MCTP2: variants seen among roughly 807,000 people sequenced by gnomAD.
MCTP2 encodes the protein multiple C2 and transmembrane domain containing 2, also known as multiple C2 and transmembrane domain-containing protein 2.
In MCTP2, 132 loss-of-function variants were observed where a neutral mutation model predicts 111.6. The observed-to-expected ratio is 1.18, with a 90% CI of 1.03 to 1.37. The LOEUF (loss-of-function observed/expected upper bound fraction) is 1.37. Ranked by LOEUF, MCTP2 falls within the 40% of genes most tolerant of loss-of-function variation. The pLI, the probability that MCTP2 is intolerant of heterozygous loss-of-function variation, is 0.00. For missense variants in MCTP2, 1,183 were observed against 1,067.9 expected, an observed-to-expected ratio of 1.11 and a Z score of -1.50; for synonymous variants, 395 against 387.7, an observed-to-expected ratio of 1.02 and a Z score of -0.22.
At chr15:94,447,869 T>G (rs2084212297) in intron 19 of MCTP2, among the ~76,000 whole-genome samples, 1 of 152,258 alleles carries the variant, frequency 6.6e-6, no homozygotes. Context: ...ATATACAATT[T>G]ATACACAGGG....
intron 1 of MCTP2, among the ~76,000 whole-genome samples, chr15:94,251,322 T>C (rs938965705): frequency 6.6e-6 from 1 of 152,190 alleles, no homozygotes; most frequent in Non-Finnish European, 1.5e-5. Context: ...TTTTATGTTT[T>C]CTTAATCATC....
At chr15:94,299,947 T>C (rs1382735337) in intron 2 of MCTP2, among the ~76,000 whole-genome samples, 1 of 152,252 alleles carries the variant, frequency 6.6e-6, no homozygotes, top group Non-Finnish European at 1.5e-5. Context: ...TTACGTTTTA[T>C]AAAACCCATT....
chr15:94,241,786 T>A (rs887089922), intron 1 of MCTP2, among the ~76,000 whole-genome samples: 6 of 147,538 alleles, frequency 4.1e-5, no homozygotes, highest in Non-Finnish European at 7.5e-5. Flanking sequence ...ATACCCACTT[T>A]AAAAAAAAAA....
chr15:94,440,206 C>CTA lies in MCTP2; in HGVS notation c.2122_2123dup (p.Met708IlefsTer2). On this transcript the variant is annotated frameshift_variant, in exon 18 of 23. Transcript: ENST00000357742. LOFTEE classifies it high-confidence loss of function. ...TTTGATCACTGTCTGGAATTTTGAA[C>CTA]TATATATGATCCCCTTGGCATTGTT... The CTA allele has an allele frequency of 6.2e-7, 1 of 1,613,872 alleles. No individual in the cohort carries two copies. The highest frequency in any genetic ancestry group is 8.5e-7 in the Non-Finnish European group (1 of 1,179,848).
intron 20 of MCTP2, among the ~76,000 whole-genome samples, chr15:94,461,467 CAAACAAA>C (rs1457876363): frequency 6.6e-6 from 1 of 151,970 alleles, no homozygotes; most frequent in Non-Finnish European, 1.5e-5. Context: ...CTCAAAAAAG[CAAACAAA>C]AAACCAAAAA....
intron 1 of MCTP2, among the ~76,000 whole-genome samples, chr15:94,291,516 G>A (rs890433435): frequency 2.2e-4 from 33 of 152,090 alleles, no homozygotes; most frequent in Admixed American, 1.8e-3. Flanking sequence ...CAGGAGAATT[G>A]CTTGAACCGG....
intron 7 of MCTP2, 93 bp from the exon 8 acceptor site, chr15:94,345,036 A>T: frequency 4.3e-6 from 6 of 1,390,270 alleles, no homozygotes; most frequent in Non-Finnish European, 6.0e-6. Context: ...TGTAACCTGG[A>T]CCATCTAACA....
intron 2 of MCTP2, among the ~76,000 whole-genome samples, chr15:94,313,121 G>T (rs1468622210): frequency 3.3e-5 from 5 of 152,142 alleles, no homozygotes; most frequent in Non-Finnish European, 5.9e-5. Flanking sequence ...AAATTCCGTG[G>T]TTTTCATTGA....
chr15:94,241,838 T>G (rs2070982496), intron 1 of MCTP2, among the ~76,000 whole-genome samples: 1 of 151,974 alleles, frequency 6.6e-6, no homozygotes. Context: ...TAGGGCTTTT[T>G]ATTTTTGTCT....
Position 94,314,262 on chromosome 15 carries a change from TTTTTTC to T in MCTP2, c.466-10_466-5del. The T allele has an allele frequency of 6.3e-7, 1 of 1,592,858 alleles. No homozygotes were observed. Among genetic ancestry groups the T allele is most frequent in the Non-Finnish European group, 8.6e-7 (1 of 1,167,444 alleles). ...TAATTTGCTTTTGTAAAGCAGATTT[TTTTTTC>T]TTTTTCTTTGCAGAAGCTATGTGGA... is the stretch of plus-strand genomic sequence containing the variant. On this transcript the variant is annotated splice_polypyrimidine_tract_variant and intron_variant, in intron 2 of 22. Coordinates refer to ENST00000357742, the MANE Select transcript of MCTP2 (RefSeq NM_001385001.1).
intron 14 of MCTP2, among the ~76,000 whole-genome samples, chr15:94,391,613 C>T (rs577711074): frequency 3.9e-5 from 6 of 152,108 alleles, no homozygotes; most frequent in East Asian, 3.9e-4. Flanking sequence ...TCACTTTGAA[C>T]GGAAATTTCA....
intron 1 of MCTP2, among the ~76,000 whole-genome samples, chr15:94,278,686 G>A (rs768057819): frequency 4.1e-5 from 6 of 145,438 alleles, no homozygotes; most frequent in Non-Finnish European, 6.0e-5. Flanking sequence ...GGCAGTGAGC[G>A]TAGTACCTAA....
At position 94,383,627 on chromosome 15, in the gene MCTP2, A is replaced by G. The variant is rs2080281112; in HGVS notation, c.1583-395A>G. Among the ~76,000 whole-genome samples, 3 of 152,330 alleles carry G rather than the reference A, an allele frequency of 2.0e-5. No individual in the cohort carries two copies. In the South Asian group the frequency reaches 6.2e-4, roughly 32 times the overall value. On this transcript the variant is annotated intron_variant, in intron 12 of 22. Transcript: ENST00000357742. ...ATGAGAGCCAAGTGAAAGAAAAACCACTTATAAAACCATCAGATCTCATGA... is the reference window on the plus strand; with the variant it reads ...ATGAGAGCCAAGTGAAAGAAAAACCGCTTATAAAACCATCAGATCTCATGA...
chr15:94,456,578 C>T (rs537762579), intron 19 of MCTP2, among the ~76,000 whole-genome samples: 1 of 152,202 alleles, frequency 6.6e-6, no homozygotes, highest in African/African-American at 2.4e-5. Context: ...TGAATTAGTA[C>T]GCTCTGGCAG....
intron 1 of MCTP2, among the ~76,000 whole-genome samples, chr15:94,278,731 T>C (rs926317711): frequency 2.0e-5 from 3 of 151,742 alleles, no homozygotes; most frequent in African/African-American, 7.2e-5. Flanking sequence ...TCTCTCCCTC[T>C]ACCCTCAAGT....
chr15:94,342,697 TAC>T (rs1445422168), intron 7 of MCTP2: 2 of 151,446 alleles, frequency 1.3e-5, no homozygotes, highest in Non-Finnish European at 2.9e-5. Context: ...TCCATATATA[TAC>T]ACACATACAT....
chr15:94,464,257 T>TTATATATATATATATATTA (rs1555481314), intron 20 of MCTP2, among the ~76,000 whole-genome samples: 6 of 44,964 alleles, frequency 1.3e-4, no homozygotes, highest in African/African-American at 3.6e-4. Flanking sequence ...TATATATATA[T>TTATATATATATATATATTA]TATATATATA....
intron 1 of MCTP2, among the ~76,000 whole-genome samples, chr15:94,258,743 G>T (rs903925915): frequency 6.6e-6 from 1 of 152,144 alleles, no homozygotes; most frequent in Non-Finnish European, 1.5e-5. Flanking sequence ...GAGAGATACA[G>T]TTCTGAAAAT....
chr15:94,265,331 G>A (rs2073455164), intron 1 of MCTP2, among the ~76,000 whole-genome samples: 1 of 149,710 alleles, frequency 6.7e-6, no homozygotes, highest in South Asian at 2.1e-4. Flanking sequence ...GGCAGACAGA[G>A]GCAGACGAAG....
Sources: gnomAD v4.1 joint callset for allele counts (sites outside exome capture counted in the v4.1 genomes callset) on GRCh38, gnomAD v4.1.1 for gene constraint, MANE v1.5 for transcripts, NCBI Gene and HGNC (gene_info 2026-07-23, HGNC 2026-07-21) for gene names.